CDC14B: variants seen among roughly 807,000 people sequenced by gnomAD.
The protein encoded by CDC14B is cell division cycle 14B, also known as dual specificity protein phosphatase CDC14B.
Under a neutral mutation model 64.2 loss-of-function variants are expected in CDC14B, and 22 were observed. That is an observed-to-expected ratio of 0.34 (90% CI 0.24 to 0.49). The LOEUF (loss-of-function observed/expected upper bound fraction) is 0.49, where lower values mean the gene tolerates loss of function less well. Among genes scored for constraint, CDC14B ranks in the 20% least tolerant of loss-of-function variants. The probability of loss-of-function intolerance (pLI) is 0.99; values close to 1 mark genes in which losing one functional copy is unlikely to be tolerated. For missense variants in CDC14B, 498 were observed against 629.9 expected (o/e 0.79, Z 2.24); for synonymous variants, 191 against 215.8 (o/e 0.89, Z 1.01).
chr9:96,554,321 T>G (rs546389819), intron 4 of CDC14B, among the ~76,000 whole-genome samples: 17 of 152,356 alleles, frequency 1.1e-4, no homozygotes, highest in Admixed American at 2.0e-4. Context: ...TCTAAATTTC[T>G]AAGGCCTTCT....
chr9:96,608,938 C>T (rs897625107), intron 1 of CDC14B, among the ~76,000 whole-genome samples: 4 of 151,090 alleles, frequency 2.6e-5, no homozygotes, highest in South Asian at 2.1e-4. Context: ...AAAAGACACA[C>T]AAGACAGATT....
At chr9:96,608,466 C>G (rs1192468974) in intron 1 of CDC14B, among the ~76,000 whole-genome samples, 1 of 152,058 alleles carries the variant, frequency 6.6e-6, no homozygotes, top group Non-Finnish European at 1.5e-5. Context: ...GAACAACTCC[C>G]CAAAATTTAA....
chr9:96,535,634 T>C (rs1403504618), intron 7 of CDC14B, among the ~76,000 whole-genome samples: 3 of 152,266 alleles, frequency 2.0e-5, no homozygotes, highest in East Asian at 1.9e-4. Flanking sequence ...AGCTTTGAAA[T>C]TGGGGTGTTT....
intron 1 of CDC14B, among the ~76,000 whole-genome samples, chr9:96,588,824 T>C (rs1389990346): frequency 6.6e-6 from 1 of 152,196 alleles, no homozygotes; most frequent in East Asian, 1.9e-4. Context: ...AAGGGCGGTT[T>C]TAGAAGAAGT....
At chr9:96,499,725 C>CT (rs529764410), downstream of CDC14B, among the ~76,000 whole-genome samples, 241 of 152,338 alleles carry the variant, frequency 1.6e-3, no homozygotes, top group Non-Finnish European at 2.8e-3. Flanking sequence ...GACATGGGGA[C>CT]TTTAACGACG....
intron 1 of CDC14B, among the ~76,000 whole-genome samples, chr9:96,570,031 C>T (rs1482933070): frequency 6.6e-6 from 1 of 152,130 alleles, no homozygotes; most frequent in Non-Finnish European, 1.5e-5. Context: ...ATCCCTGTCG[C>T]ACCACATCAT....
At chr9:96,514,912 TTGC>T in intron 12 of CDC14B, 1 of 985,450 alleles carries the variant, frequency 1.0e-6, no homozygotes, top group South Asian at 4.7e-5. Flanking sequence ...GAATACAGAT[TTGC>T]TGCTATTAGC....
intron 13 of CDC14B, among the ~76,000 whole-genome samples, chr9:96,508,864 G>A (rs1038095038): frequency 4.6e-5 from 7 of 152,154 alleles, no homozygotes; most frequent in African/African-American, 1.7e-4. Flanking sequence ...AAAGAAGCAG[G>A]GTACACGTGC....
intron 1 of CDC14B, among the ~76,000 whole-genome samples, chr9:96,603,336 C>T (rs1846635804): frequency 6.6e-6 from 1 of 151,434 alleles, no homozygotes; most frequent in Non-Finnish European, 1.5e-5. Flanking sequence ...CATATATTAC[C>T]TATTAAAAAA....
intron 1 of CDC14B, among the ~76,000 whole-genome samples, chr9:96,592,489 T>A (rs1845846853): frequency 6.6e-6 from 1 of 152,196 alleles, no homozygotes; most frequent in African/African-American, 2.4e-5. Flanking sequence ...CAAAAACAGG[T>A]TGCTGGCCAG....
chr9:96,534,140 G>T lies in CDC14B; in HGVS notation c.733C>A (p.Pro245Thr), dbSNP rs373999717. 16 of 1,602,382 alleles carry T rather than the reference G, an allele frequency of 1.0e-5. No homozygotes were observed. Among genetic ancestry groups the T allele is most frequent in the Non-Finnish European group, 1.4e-5 (16 of 1,171,842 alleles). Residue 245 changes from proline to threonine, a missense_variant, in exon 9 of 14, where the codon CCT (proline) becomes ACT (threonine). Physicochemically the swap from Pro to Thr is conservative, Grantham distance 38. Transcript: ENST00000375241. ...RLESGYHQHS[P>T]ETYIQYFKNH... Reference sequence around the variant, plus strand: ...TTAAAATATTGAATATAAGTCTCAGGAGAATGTTGGTGGTAACCTACATAA... The same window carrying T: ...TTAAAATATTGAATATAAGTCTCAGTAGAATGTTGGTGGTAACCTACATAA...
intron 5 of CDC14B, among the ~76,000 whole-genome samples, chr9:96,546,152 A>AT (rs1840792531): frequency 6.6e-6 from 1 of 152,250 alleles, no homozygotes. Flanking sequence ...CGAATGACCC[A>AT]AATATCCATC....
At chr9:96,522,674 A>AT in intron 11 of CDC14B, 71 bp from the exon 12 acceptor site, 1 of 934,710 alleles carries the variant, frequency 1.1e-6, no homozygotes, top group Non-Finnish European at 1.8e-6. Context: ...CAGAGCAGCA[A>AT]TTTATCCACA....
chr9:96,550,033 A>G (rs1841572594), intron 5 of CDC14B, among the ~76,000 whole-genome samples: 2 of 152,000 alleles, frequency 1.3e-5, no homozygotes, highest in Non-Finnish European at 2.9e-5. Flanking sequence ...ATCACAAAAG[A>G]TTACCATTAT....
intron 1 of CDC14B, among the ~76,000 whole-genome samples, chr9:96,608,679 C>G (rs181256918): frequency 1.3e-5 from 2 of 151,576 alleles, no homozygotes; most frequent in Non-Finnish European, 2.9e-5. Flanking sequence ...TACTTCTTAC[C>G]GAGAATAAAC....
intron 9 of CDC14B, among the ~76,000 whole-genome samples, 182 bp downstream of exon 9, chr9:96,533,745 T>C (rs1564266979): frequency 6.6e-6 from 1 of 152,264 alleles, no homozygotes; most frequent in African/African-American, 2.4e-5. Context: ...ATGTGATGTA[T>C]TTGTAGAATT....
downstream of CDC14B, chr9:96,496,139 G>A (rs1051146753): frequency 4.0e-5 from 15 of 370,766 alleles, no homozygotes; most frequent in Admixed American, 2.3e-4. Context: ...CAGTCAGGCC[G>A]AGGCCCACCT....
intron 1 of CDC14B, among the ~76,000 whole-genome samples, chr9:96,589,077 TG>T (rs1845627662): frequency 6.6e-6 from 1 of 152,224 alleles, no homozygotes; most frequent in Non-Finnish European, 1.5e-5. Context: ...GGCTCATGCC[TG>T]TAATCCTAGC....
intron 1 of CDC14B, among the ~76,000 whole-genome samples, chr9:96,580,021 A>G (rs1184300145): frequency 6.6e-6 from 1 of 152,216 alleles, no homozygotes; most frequent in African/African-American, 2.4e-5. Context: ...TCTTAAAATT[A>G]CACACAGTCC....
Sources: allele counts gnomAD v4.1 joint callset (sites outside exome capture counted in the v4.1 genomes callset), GRCh38; gene constraint gnomAD v4.1.1; transcripts MANE v1.5; gene names NCBI Gene and HGNC (gene_info 2026-07-23, HGNC 2026-07-21).